Variants in ABCB1 observed in about 807,000 individuals in gnomAD.
The protein encoded by ABCB1 is ATP binding cassette subfamily B member 1.
A neutral mutation model predicts 142.0 loss-of-function variants in ABCB1; 69 were observed. That is an observed-to-expected ratio of 0.49 (90% confidence interval 0.40 to 0.59). The LOEUF (loss-of-function observed/expected upper bound fraction) is 0.59. Ranked by LOEUF, ABCB1 falls within the 20% of genes least tolerant of loss-of-function variation. The pLI, the probability that ABCB1 is intolerant of heterozygous loss-of-function variation, is 0.00. For missense variants in ABCB1, 1,326 were observed against 1,554.7 expected (o/e 0.85, Z 2.47); for synonymous variants, 532 against 539.2 (o/e 0.99, Z 0.18).
At chr7:87,573,299 C>T (rs10264990) in intron 4 of ABCB1, among the ~76,000 whole-genome samples, 107,789 of 152,022 alleles carry the variant, frequency 0.71, 38,581 homozygotes, top group East Asian at 0.88. Context: ...CTCCTACTTC[C>T]ACCACTCTGA....
chr7:87,570,362 T>C lies in ABCB1; in HGVS notation c.287-139A>G, dbSNP rs77634071. ...GAACTGACTCAGTTTTAATTGTGTG[T>C]AAGCATTATGGCATTCATTCAAATA... On this transcript the variant is annotated intron_variant, in intron 4 of 27. Transcript: ENST00000622132. 8.7e-4 allele frequency: 734 copies of C among 839,986 alleles called. 4 individuals carry two copies. In the African/African-American group the frequency reaches 0.011, roughly 13 times the overall value. The allele number at this position is 839,986 out of a possible 1,614,324, so 52.0% of individuals were successfully genotyped here.
chr7:87,702,423 G>A (rs1447943497), intron 1 of ABCB1, among the ~76,000 whole-genome samples: 2 of 151,686 alleles, frequency 1.3e-5, no homozygotes, highest in Admixed American at 6.6e-5. Flanking sequence ...GGACTACAGG[G>A]GCATGCCACC....
chr7:87,515,832 C>T (rs1000460713), intron 24 of ABCB1, among the ~76,000 whole-genome samples: 40 of 151,824 alleles, frequency 2.6e-4, no homozygotes, highest in Admixed American at 5.9e-4. Flanking sequence ...CCTGACCTCA[C>T]GTGATCCACC....
intron 1 of ABCB1, among the ~76,000 whole-genome samples, chr7:87,703,325 G>A (rs867396718): frequency 2.6e-5 from 4 of 151,678 alleles, no homozygotes; most frequent in Non-Finnish European, 5.9e-5. Flanking sequence ...TATTTTGTAA[G>A]CACGAACTGA....
intron 1 of ABCB1, among the ~76,000 whole-genome samples, chr7:87,706,320 ATTTCCAT>A (rs1829581329): frequency 6.6e-6 from 1 of 152,102 alleles, no homozygotes; most frequent in African/African-American, 2.4e-5. Flanking sequence ...CTGTAATCTG[ATTTCCAT>A]TTTATAAGAT....
At chr7:87,522,146 G>A (rs1273480896) in intron 21 of ABCB1, 3 of 1,439,340 alleles carry the variant, frequency 2.1e-6, no homozygotes, top group East Asian at 4.5e-5. Flanking sequence ...TGTGGCTTTG[G>A]TGGCAGCTGT....
intron 1 of ABCB1, among the ~76,000 whole-genome samples, chr7:87,616,035 T>C (rs939429967): frequency 6.6e-6 from 1 of 152,234 alleles, no homozygotes; most frequent in African/African-American, 2.4e-5. Context: ...TATACCTTTA[T>C]AGCTATTGCC....
chr7:87,669,864 T>C (rs1825657814), intron 1 of ABCB1, among the ~76,000 whole-genome samples: 3 of 152,210 alleles, frequency 2.0e-5, no homozygotes, highest in Admixed American at 2.0e-4. Flanking sequence ...GAGTTCCTTT[T>C]GTAGGTCATG....
intron 1 of ABCB1, among the ~76,000 whole-genome samples, chr7:87,643,873 T>A (rs977159200): frequency 6.6e-6 from 1 of 151,698 alleles, no homozygotes; most frequent in African/African-American, 2.4e-5. Context: ...GGGAAATTAC[T>A]TTTTTTGTTT....
At chr7:87,620,427 G>C (rs893235186) in intron 1 of ABCB1, among the ~76,000 whole-genome samples, 2 of 151,992 alleles carry the variant, frequency 1.3e-5, no homozygotes, top group Non-Finnish European at 2.9e-5. Context: ...CAAAGTGCTG[G>C]GATTACAGGC....
At chr7:87,655,774 A>G (rs187678330) in intron 1 of ABCB1, among the ~76,000 whole-genome samples, 2 of 152,236 alleles carry the variant, frequency 1.3e-5, no homozygotes, top group East Asian at 1.9e-4. Context: ...TCAAATTCAT[A>G]TGCTGGAAAC....
intron 21 of ABCB1, among the ~76,000 whole-genome samples, chr7:87,525,070 C>T (rs529465277): frequency 6.6e-6 from 1 of 152,206 alleles, no homozygotes; most frequent in Admixed American, 6.5e-5. Context: ...AACTTCAGGA[C>T]TGTCTTCATC....
chr7:87,602,499 ATC>A (rs1350761062), upstream of ABCB1, among the ~76,000 whole-genome samples: 5 of 151,454 alleles, frequency 3.3e-5, no homozygotes, highest in Non-Finnish European at 7.4e-5. Flanking sequence ...TGTGCCTATG[ATC>A]TCTGTTTTCA....
chr7:87,548,275 TGAAAG>T (rs1237927105), intron 14 of ABCB1, among the ~76,000 whole-genome samples: 1 of 80,172 alleles, frequency 1.2e-5, no homozygotes, highest in African/African-American at 5.2e-5. Flanking sequence ...GGAAAGGAAA[TGAAAG>T]GAAGGGAAGG....
At position 87,504,087 on chromosome 7, in the gene ABCB1, C is replaced by G. The variant is rs1340119293; in HGVS notation, c.*156G>C. The G allele has an allele frequency of 6.8e-6, 6 of 878,230 alleles. No homozygotes were observed. The highest frequency in any genetic ancestry group is 1.1e-5 in the Non-Finnish European group (6 of 562,150). 54.4% of individuals were successfully genotyped at this position (878,230 alleles called of 1,614,324 possible). A position where few individuals can be genotyped will look rare whatever the true frequency, so the allele number is the denominator to read the frequency against. On this transcript the variant is annotated 3_prime_UTR_variant, in exon 28 of 28. Transcript: ENST00000622132. ...ACTTGATGATGTCTCTCACTCTGTT[C>G]CTTTAATTACGAAGTCTCTGAAGAC...
chr7:87,651,246 A>G (rs1477002378), intron 1 of ABCB1, among the ~76,000 whole-genome samples: 2 of 152,162 alleles, frequency 1.3e-5, no homozygotes, highest in Non-Finnish European at 2.9e-5. Context: ...GTTTTAATCA[A>G]TTTACAGAGA....
chr7:87,616,334 G>T (rs1820031327), intron 1 of ABCB1, among the ~76,000 whole-genome samples: 1 of 152,188 alleles, frequency 6.6e-6, no homozygotes, highest in Non-Finnish European at 1.5e-5. Context: ...AAACCTGAAA[G>T]ACTATAAAGC....
At chr7:87,664,445 G>T (rs1825029511) in intron 1 of ABCB1, among the ~76,000 whole-genome samples, 2 of 152,114 alleles carry the variant, frequency 1.3e-5, no homozygotes, top group African/African-American at 2.4e-5. Context: ...ATTGTGAGAT[G>T]ACCCAGATGT....
At chr7:87,504,767 T>C (rs1340369136) in intron 27 of ABCB1, among the ~76,000 whole-genome samples, 1 of 146,532 alleles carries the variant, frequency 6.8e-6, no homozygotes, top group Admixed American at 7.0e-5. Context: ...ATTGCGCCAC[T>C]GCACTCCAGC....
Sources: gnomAD v4.1 joint callset for allele counts (sites outside exome capture counted in the v4.1 genomes callset) on GRCh38, gnomAD v4.1.1 for gene constraint, MANE v1.5 for transcripts, NCBI Gene and HGNC (gene_info 2026-07-23, HGNC 2026-07-21) for gene names.